Variants in NUDT16L1 observed in about 807,000 individuals in gnomAD.
NUDT16L1 encodes the protein tudor-interacting repair regulator protein.
A neutral mutation model predicts 17.3 loss-of-function variants in NUDT16L1; 19 were observed. The observed-to-expected ratio is 1.10, with a 90% CI of 0.77 to 1.61. NUDT16L1 has a LOEUF of 1.61. Ranked by LOEUF, NUDT16L1 falls within the 40% of genes most tolerant of loss-of-function variation. NUDT16L1 has a pLI of 0.00. For synonymous variants in NUDT16L1, 255 were observed against 138.6 expected, an observed-to-expected ratio of 1.84 and a Z score of -5.90; for missense variants, 341 against 292.0, an observed-to-expected ratio of 1.17 and a Z score of -1.22.
In NUDT16L1 at chr16:4,694,072, GCCTGGGCC is replaced by G; in HGVS notation, c.249_256del (p.Leu84GlyfsTer84). On this transcript the variant is annotated frameshift_variant, in exon 2 of 3. Coordinates refer to ENST00000304301, the Ensembl canonical transcript of NUDT16L1. LOFTEE classifies it high-confidence loss of function. ...GAGGACGGCCTGAACCGGGTGCTGG[GCCTGGGCC>G]TGGGCTGCCTGCGCCTCACCGAGGC... The G allele has an allele frequency of 6.3e-7, 1 of 1,589,804 alleles. No individual in the cohort carries two copies. Among genetic ancestry groups the G allele is most frequent in the Non-Finnish European group, 8.5e-7 (1 of 1,175,454 alleles).
rs1353345422 is a variant in NUDT16L1 at position 4,694,434 on chromosome 16, C to T, written c.414+196C>T. On this transcript the variant is annotated intron_variant, in intron 2 of 2. Transcript: ENST00000304301. The stretch of plus-strand genomic sequence containing the variant: ...GGAGGGGCGGGGGTGGGGGCCGGCG[C>T]TGGGGCTCCCTCAGGGCTGTGTTAC... The T allele has an allele frequency of 6.6e-6, 10 of 1,509,328 alleles. No homozygotes were observed. The East Asian group carries it at 1.8e-4, about 27-fold the overall frequency. The allele number at this position is 1,509,328 out of a possible 1,614,324, so 93.5% of individuals were successfully genotyped here. A position where few individuals can be genotyped will look rare whatever the true frequency, so the allele number is the denominator to read the frequency against.
At chr16:4,695,266 C>T (rs2079518729) in exon 3 of NUDT16L1, 2 of 1,370,088 alleles carry the variant, frequency 1.5e-6, no homozygotes, top group Non-Finnish European at 2.0e-6. Flanking sequence ...TTGTGTGTAC[C>T]CCGCTTCTGA....
chr16:4,694,490 TGGGAGTGG>T (rs748097053), intron 2 of NUDT16L1: 143 of 1,397,570 alleles, frequency 1.0e-4, no homozygotes, highest in Middle Eastern at 1.8e-4. Context: ...TTGCCAATCC[TGGGAGTGG>T]GGGAGTGGGA....
intron 2 of NUDT16L1, 36 bp from the exon 3 acceptor site, chr16:4,694,922 A>G (rs1244856501): frequency 6.4e-7 from 1 of 1,574,310 alleles, no homozygotes; most frequent in Admixed American, 1.8e-5. Flanking sequence ...ATTGTGTGGC[A>G]GGCCTGGCCC....
At chr16:4,695,591 C>T (rs771511236) in exon 3 of NUDT16L1, 2 of 438,120 alleles carry the variant, frequency 4.6e-6, no homozygotes, top group Non-Finnish European at 8.0e-6. Flanking sequence ...CTCATTCCTG[C>T]CTCCTTCCTG....
exon 3 of NUDT16L1, chr16:4,695,637 G>GT: frequency 2.4e-6 from 1 of 417,238 alleles, no homozygotes; most frequent in Non-Finnish European, 4.2e-6. Context: ...CCAGCTTGGG[G>GT]TAGGAAGTTA....
chr16:4,693,887 C>T lies in NUDT16L1; in HGVS notation c.153+8C>T, dbSNP rs567377617. The T allele has an allele frequency of 4.2e-5, 63 of 1,501,158 alleles. No homozygotes were observed. The highest frequency in any genetic ancestry group is 7.2e-5 in the Admixed American group (3 of 41,548). 93.0% of individuals were successfully genotyped at this position (1,501,158 alleles called of 1,614,324 possible). ...ATGCGCTTCTCGGTGCTGGTGAGGA[C>T]GGGCGAGGGCGCGGGCGAGGGTGCC... On this transcript the variant is annotated splice_region_variant and intron_variant, in intron 1 of 2. Transcript: ENST00000304301.
Position 4,694,557 on chromosome 16 carries a change from T to C in NUDT16L1, c.414+319T>C, listed in dbSNP as rs1012300697. ...GAGGAGCGGGGATTGCTTGGGGAGT[T>C]GGGAAACTTGAGCACAGCGGGGGTT... On this transcript the variant is annotated intron_variant, in intron 2 of 2. Coordinates refer to ENST00000304301, the Ensembl canonical transcript of NUDT16L1. 150 of 1,450,830 alleles carry C rather than the reference T, an allele frequency of 1.0e-4. No individual in the cohort carries two copies. In the Admixed American group the frequency reaches 1.3e-3, roughly 13 times the overall value. 89.9% of individuals were successfully genotyped at this position (1,450,830 alleles called of 1,614,324 possible). A position where few individuals can be genotyped will look rare whatever the true frequency, so the allele number is the denominator to read the frequency against.
exon 1 of NUDT16L1, chr16:4,693,760 A>G: frequency 6.4e-7 from 1 of 1,559,918 alleles, no homozygotes; most frequent in Non-Finnish European, 8.6e-7. Flanking sequence ...GCTGAAGCAG[A>G]TCAGCCGGGT....
At chr16:4,693,924 G>GC (rs779610846) in intron 1 of NUDT16L1, 45 bp downstream of exon 1, 57 of 1,492,994 alleles carry the variant, frequency 3.8e-5, no homozygotes, top group Non-Finnish European at 4.9e-5. Context: ...GCGCGGGCGG[G>GC]CCCGGGCGGG....
chr16:4,695,343 G>A (rs1043080837), exon 3 of NUDT16L1: 16 of 714,008 alleles, frequency 2.2e-5, no homozygotes, highest in East Asian at 8.2e-5. Context: ...GGTGGCGGCC[G>A]GGCCAGCTGG....
At chr16:4,694,616 G>T in intron 2 of NUDT16L1, 1 of 1,426,706 alleles carries the variant, frequency 7.0e-7, no homozygotes. Context: ...GGGCGTGAAG[G>T]CTCTTGGGAT....
chr16:4,693,881 T>C lies in NUDT16L1; in HGVS notation c.153+2T>C, dbSNP rs1388672319. The C allele has an allele frequency of 6.6e-7, 1 of 1,524,052 alleles. No individual in the cohort carries two copies. Among genetic ancestry groups the C allele is most frequent in the Non-Finnish European group, 8.7e-7 (1 of 1,143,340 alleles). 94.4% of individuals were successfully genotyped at this position (1,524,052 alleles called of 1,614,324 possible). On this transcript the variant is annotated splice_donor_variant, in intron 1 of 2. Transcript: ENST00000304301. LOFTEE classifies it high-confidence loss of function. ...ATCCCCATGCGCTTCTCGGTGCTGG[T>C]GAGGACGGGCGAGGGCGCGGGCGAG...
intron 2 of NUDT16L1, 84 bp downstream of exon 2, chr16:4,694,322 T>G: frequency 6.8e-7 from 1 of 1,480,722 alleles, no homozygotes; most frequent in Non-Finnish European, 8.9e-7. Flanking sequence ...ACACGTCTCC[T>G]GAGGGTCCCC....
At chr16:4,695,320 C>A in exon 3 of NUDT16L1, 1 of 847,842 alleles carries the variant, frequency 1.2e-6, no homozygotes, top group Non-Finnish European at 1.8e-6. Context: ...TCCACTGTCC[C>A]AAGCAGTCAC....
chr16:4,695,254 G>A, exon 3 of NUDT16L1: 1 of 1,467,480 alleles, frequency 6.8e-7, no homozygotes, highest in Non-Finnish European at 9.4e-7. Context: ...CTTCTAGAGT[G>A]TTTGTGTGTA....
exon 1 of NUDT16L1, chr16:4,693,810 C>G: frequency 6.4e-7 from 1 of 1,572,068 alleles, no homozygotes; most frequent in South Asian, 1.2e-5. Flanking sequence ...GCCACTCGTG[C>G]CACGCCATGC....
chr16:4,694,064 G>C, exon 2 of NUDT16L1: 1 of 1,589,026 alleles, frequency 6.3e-7, no homozygotes. Flanking sequence ...GCCTGAACCG[G>C]GTGCTGGGCC....
In NUDT16L1 at chr16:4,694,275, G is replaced by T. The variant is rs956550035; in HGVS notation, c.414+37G>T. 4.1e-6 allele frequency: 6 copies of T among 1,464,708 alleles called. No homozygotes were observed. In the African/African-American group the frequency reaches 5.8e-5, roughly 14 times the overall value. 90.7% of individuals were successfully genotyped at this position (1,464,708 alleles called of 1,614,324 possible). ...GCCCGGGCCCCGCCCCCCGCCCCGG[G>T]GTTTGGCTCTGGCCCCGTGGAAGGC... On this transcript the variant is annotated intron_variant, in intron 2 of 2. Transcript: ENST00000304301.
Sources: allele counts gnomAD v4.1 joint callset, GRCh38; gene constraint gnomAD v4.1.1; transcripts MANE v1.5; gene names NCBI Gene and HGNC (gene_info 2026-07-23, HGNC 2026-07-21).